PTPRA: variants seen among roughly 807,000 people sequenced by gnomAD.
The protein encoded by PTPRA is receptor-type tyrosine-protein phosphatase alpha.
In PTPRA, 25 loss-of-function variants were observed where a neutral mutation model predicts 104.8. The observed-to-expected ratio is 0.24, with a 90% CI of 0.17 to 0.33. The LOEUF (loss-of-function observed/expected upper bound fraction) is 0.33. PTPRA is among the 10% of genes least tolerant of loss of function. The pLI is 1.00. For missense variants in PTPRA, 765 were observed against 1,015.3 expected (o/e 0.75, Z 3.35); for synonymous variants, 323 against 368.9 (o/e 0.88, Z 1.43).
intron 1 of PTPRA, among the ~76,000 whole-genome samples, chr20:2,880,864 A>T (rs912710735): frequency 6.6e-6 from 1 of 152,062 alleles, no homozygotes; most frequent in Non-Finnish European, 1.5e-5. Context: ...ATAAAAAATT[A>T]GCCGTGTGGT....
At chr20:2,909,848 GAT>G (rs1454950318) in intron 1 of PTPRA, among the ~76,000 whole-genome samples, 2 of 119,398 alleles carry the variant, frequency 1.7e-5, no homozygotes, top group Non-Finnish European at 3.2e-5. Context: ...TATAATATAA[GAT>G]AATATATATT....
rs1178462107 is a variant in PTPRA at position 2,950,429 on chromosome 20, G to T, written c.-7+2405G>T. Among the ~76,000 whole-genome samples, 1 of 151,786 alleles carries T rather than the reference G, an allele frequency of 6.6e-6. No homozygotes were observed. The highest frequency in any genetic ancestry group is 2.4e-5 in the African/African-American group (1 of 41,320). ...CGAGGCGGGCGGATCACGAGGTCAA[G>T]AGATCGAGACCATCCTGGCCATCAT... On this transcript the variant is annotated intron_variant, in intron 3 of 23. Coordinates refer to ENST00000399903, the MANE Select transcript of PTPRA (RefSeq NM_001385305.1). This position sits in a 1 kb window ranked among gnomAD's most constrained non-coding sequence, Gnocchi z 4.0.
chr20:3,015,469 G>A (rs1357103833), intron 11 of PTPRA, among the ~76,000 whole-genome samples: 2 of 151,746 alleles, frequency 1.3e-5, no homozygotes, highest in East Asian at 1.9e-4. Context: ...CACCACGCCC[G>A]GCTAATTTTT....
At chr20:2,889,649 C>G (rs78309811) in intron 1 of PTPRA, among the ~76,000 whole-genome samples, 2,355 of 152,222 alleles carry the variant, frequency 0.015, 125 homozygotes, top group Admixed American at 0.09. Context: ...ATTGTGATGC[C>G]ACTTACCCAA....
At chr20:2,967,176 A>G (rs1453093511) in intron 5 of PTPRA, among the ~76,000 whole-genome samples, 2 of 152,098 alleles carry the variant, frequency 1.3e-5, no homozygotes, top group African/African-American at 4.8e-5. Context: ...CGGTCTTTCC[A>G]CTCTGCTTGT....
At chr20:2,922,214 CTA>C (rs1224317441) in intron 1 of PTPRA, among the ~76,000 whole-genome samples, 1 of 152,170 alleles carries the variant, frequency 6.6e-6, no homozygotes, top group East Asian at 1.9e-4. Context: ...GAAATCTGAA[CTA>C]TTTAAGATGG....
chr20:2,972,514 G>A (rs544582215), intron 5 of PTPRA, among the ~76,000 whole-genome samples: 4 of 152,230 alleles, frequency 2.6e-5, no homozygotes, highest in East Asian at 3.9e-4. Context: ...ATATTGTATC[G>A]TTCCTGTAAC....
At chr20:2,926,769 C>CTTTTTTTT (rs777386962) in intron 2 of PTPRA, among the ~76,000 whole-genome samples, 3 of 85,018 alleles carry the variant, frequency 3.5e-5, no homozygotes, top group African/African-American at 4.8e-5. Flanking sequence ...TTTCCTTTTC[C>CTTTTTTTT]TTTTTTTTTT....
chr20:2,905,669 G>A (rs2059397332), intron 1 of PTPRA, among the ~76,000 whole-genome samples: 2 of 150,104 alleles, frequency 1.3e-5, no homozygotes, highest in Non-Finnish European at 3.0e-5. Context: ...TTGAAAGATT[G>A]GGGGTGGAAA....
rs2147938213 is a variant in PTPRA, at chr20:2,965,371, G to T, written c.415+169G>T. Among the ~76,000 whole-genome samples the T allele has an allele frequency of 1.3e-5, 2 of 152,310 alleles. 1 individual carries two copies. The highest frequency in any genetic ancestry group is 4.1e-4 in the South Asian group (2 of 4,830). ...TGGGTTAGCATGAGTGAAGAGGAAA[G>T]AAGAAAGATTCTGGAGAATATCTTT... is the stretch of plus-strand genomic sequence containing the variant. On this transcript the variant is annotated intron_variant, in intron 5 of 23. Transcript: ENST00000399903.
chr20:2,962,742 G>A (rs1467599553), intron 3 of PTPRA, among the ~76,000 whole-genome samples: 2 of 152,158 alleles, frequency 1.3e-5, no homozygotes, highest in Admixed American at 6.6e-5. Context: ...GGAAGAATGG[G>A]GAAATTGTCA....
intron 13 of PTPRA, among the ~76,000 whole-genome samples, chr20:3,021,016 G>C (rs1361566243): frequency 3.9e-5 from 6 of 152,236 alleles, no homozygotes. Flanking sequence ...TTGTAGGTAA[G>C]ATGGCTTCAG....
intron 9 of PTPRA, among the ~76,000 whole-genome samples, chr20:2,996,565 G>A (rs1167087389): frequency 2.6e-5 from 4 of 152,180 alleles, no homozygotes; most frequent in African/African-American, 4.8e-5. Flanking sequence ...AAATGATGTC[G>A]TAAAAAAGTG....
chr20:2,929,245 C>A (rs889335641), intron 2 of PTPRA, among the ~76,000 whole-genome samples: 1 of 152,160 alleles, frequency 6.6e-6, no homozygotes, highest in African/African-American at 2.4e-5. Flanking sequence ...AGCCACCACA[C>A]CTGGCCTGCT....
At chr20:2,910,436 T>A (rs1404082446) in intron 1 of PTPRA, among the ~76,000 whole-genome samples, 1 of 128,578 alleles carries the variant, frequency 7.8e-6, no homozygotes, top group African/African-American at 3.0e-5. Flanking sequence ...AAAATGTATA[T>A]TATATATAAG....
upstream of PTPRA, among the ~76,000 whole-genome samples, chr20:2,872,450 A>G (rs1464720651): frequency 6.6e-6 from 1 of 152,236 alleles, no homozygotes; most frequent in African/African-American, 2.4e-5. This position sits in a 1 kb window ranked among gnomAD's most constrained non-coding sequence, Gnocchi z 7.9. Flanking sequence ...CCTACCCGCA[A>G]GCTCGGTTTG....
intron 5 of PTPRA, among the ~76,000 whole-genome samples, chr20:2,968,555 C>A (rs1001468415): frequency 5.0e-5 from 7 of 140,812 alleles, no homozygotes; most frequent in Non-Finnish European, 7.5e-5. Flanking sequence ...TGAATTAATT[C>A]TTTAATCTTT....
intron 1 of PTPRA, among the ~76,000 whole-genome samples, chr20:2,879,962 G>C (rs938747661): frequency 6.6e-6 from 1 of 152,168 alleles, no homozygotes; most frequent in Non-Finnish European, 1.5e-5. Context: ...ATGCATACCT[G>C]TATATATATT....
intron 1 of PTPRA, among the ~76,000 whole-genome samples, chr20:2,918,067 G>A (rs895594590): frequency 4.3e-5 from 6 of 138,386 alleles, no homozygotes; most frequent in African/African-American, 1.7e-4. Context: ...CAGCCTGGGC[G>A]ATAGAGTGAG....
Sources: gnomAD v4.1 joint callset for allele counts (sites outside exome capture counted in the v4.1 genomes callset) on GRCh38, gnomAD v4.1.1 for gene constraint, Gnocchi (gnomAD v3.1) non-coding constraint, MANE v1.5 for transcripts, NCBI Gene and HGNC (gene_info 2026-07-23, HGNC 2026-07-21) for gene names.